Variants in CLDN10 observed in about 807,000 individuals in gnomAD.
The protein encoded by CLDN10 is claudin 10, also known as claudin-10.
A neutral mutation model predicts 22.9 loss-of-function variants in CLDN10; 15 were observed. That is an observed-to-expected ratio of 0.65 (90% CI 0.44 to 1.01). The LOEUF is 1.01. CLDN10 is among the 50% of genes least tolerant of loss of function. The pLI, the probability that CLDN10 is intolerant of heterozygous loss-of-function variation, is 0.00. For missense variants in CLDN10, 247 were observed against 287.8 expected (o/e 0.86, Z 1.03); for synonymous variants, 114 against 111.4 (o/e 1.02, Z -0.15).
chr13:95,474,160 A>T lies in CLDN10; in HGVS notation c.214+40113A>T, dbSNP rs534892993. ...CCTGAGCTTGTTTTACTGAAACTAG[A>T]CGGTCCCATCTGGGGGTGATGGGAG... On this transcript the variant is annotated intron_variant, in intron 1 of 4. Transcript: ENST00000376873. 2.0e-5 allele frequency among the ~76,000 whole-genome samples: 3 copies of T among 152,328 alleles called. No homozygotes were observed. The South Asian group carries it at 6.2e-4, about 32-fold the overall frequency.
In CLDN10 at chr13:95,473,045, T is replaced by C. The variant is rs190310865; in HGVS notation, c.214+38998T>C. On this transcript the variant is annotated intron_variant, in intron 1 of 4. Coordinates refer to the CLDN10 transcript ENST00000376873. ...GTCCCAGCTACTCAACAGGCTGAGG[T>C]AGAAGGATTGTTTAAGCCCAGGAGT... 2.2e-3 allele frequency among the ~76,000 whole-genome samples: 331 copies of C among 149,164 alleles called. 4 individuals are homozygous for C. The South Asian group carries it at 0.024, about 11-fold the overall frequency.
chr13:95,572,569 G>GCTGA (rs994413013), intron 3 of CLDN10, among the ~76,000 whole-genome samples: 2 of 152,164 alleles, frequency 1.3e-5, no homozygotes, highest in Non-Finnish European at 2.9e-5. Context: ...AGTACAATGA[G>GCTGA]CTGACAGTAA....
At chr13:95,510,005 C>G (rs2043078765) in intron 1 of CLDN10, among the ~76,000 whole-genome samples, 1 of 152,236 alleles carries the variant, frequency 6.6e-6, no homozygotes, top group Non-Finnish European at 1.5e-5. Context: ...ATACTCCCAA[C>G]TTGGCTGATT....
At chr13:95,573,882 C>A (rs183831488) in intron 3 of CLDN10, among the ~76,000 whole-genome samples, 31 of 151,696 alleles carry the variant, frequency 2.0e-4, no homozygotes, top group South Asian at 1.3e-3. Context: ...CTCCTCCCCC[C>A]ACAACAGGCC....
intron 1 of CLDN10, among the ~76,000 whole-genome samples, chr13:95,490,272 G>C (rs1302841746): frequency 6.6e-6 from 1 of 152,116 alleles, no homozygotes. Context: ...GTGGTATTTT[G>C]ATGGGGATTG....
chr13:95,518,699 C>A (rs989470904), intron 1 of CLDN10, among the ~76,000 whole-genome samples: 1 of 151,972 alleles, frequency 6.6e-6, no homozygotes, highest in African/African-American at 2.4e-5. Context: ...ACGGAGGTTG[C>A]AGTGAGCCAA....
intron 1 of CLDN10, among the ~76,000 whole-genome samples, chr13:95,517,150 T>A (rs1182532468): frequency 6.6e-6 from 1 of 151,594 alleles, no homozygotes; most frequent in Admixed American, 6.6e-5. Context: ...CTCCCTTCTT[T>A]CCTTCTTTCC....
chr13:95,553,067 C>T, intron 1 of CLDN10, 94 bp downstream of exon 1: 1 of 1,496,376 alleles, frequency 6.7e-7, no homozygotes, highest in Non-Finnish European at 8.9e-7. Flanking sequence ...AGCGGGACCC[C>T]TAGACTGGAC....
intron 1 of CLDN10, among the ~76,000 whole-genome samples, chr13:95,459,552 G>A (rs1594533081): frequency 6.6e-6 from 1 of 152,232 alleles, no homozygotes; most frequent in Non-Finnish European, 1.5e-5. Flanking sequence ...AATGGTCTGC[G>A]CTGTACATTG....
intron 1 of CLDN10, among the ~76,000 whole-genome samples, chr13:95,501,834 G>T (rs7998174): frequency 0.059 from 9,046 of 152,052 alleles, 526 homozygotes; most frequent in African/African-American, 0.15. Context: ...TGCTGGTGGG[G>T]GGTTTCTATT....
intron 1 of CLDN10, among the ~76,000 whole-genome samples, chr13:95,500,049 T>A (rs1345222497): frequency 6.6e-6 from 1 of 151,930 alleles, no homozygotes; most frequent in Non-Finnish European, 1.5e-5. Context: ...ACAAGCTTGC[T>A]CTATGTTAAA....
intron 3 of CLDN10, among the ~76,000 whole-genome samples, chr13:95,567,596 A>G (rs1321494307): frequency 6.6e-6 from 1 of 152,156 alleles, no homozygotes; most frequent in Non-Finnish European, 1.5e-5. Context: ...CTCTTTTCCT[A>G]ATTGAATACC....
intron 3 of CLDN10, among the ~76,000 whole-genome samples, chr13:95,576,998 GC>G (rs1460970525): frequency 6.6e-6 from 1 of 152,168 alleles, no homozygotes; most frequent in African/African-American, 2.4e-5. Flanking sequence ...CTTTGACTTT[GC>G]CCCCGTGGAT....
chr13:95,514,261 A>G (rs934958320), intron 1 of CLDN10, among the ~76,000 whole-genome samples: 6 of 152,180 alleles, frequency 3.9e-5, no homozygotes, highest in African/African-American at 1.4e-4. Flanking sequence ...CCTGTCTCAG[A>G]AAAGAAAAAA....
intron 1 of CLDN10, among the ~76,000 whole-genome samples, chr13:95,499,071 C>T (rs1566302769): frequency 6.6e-6 from 1 of 152,236 alleles, no homozygotes; most frequent in Non-Finnish European, 1.5e-5. Flanking sequence ...CTTTTCAAGA[C>T]TGAATAACAT....
At chr13:95,551,122 C>A (rs1386755119), upstream of CLDN10, among the ~76,000 whole-genome samples, 2 of 152,002 alleles carry the variant, frequency 1.3e-5, no homozygotes, top group Non-Finnish European at 2.9e-5. Context: ...GCCATGGGAC[C>A]ATTAAGCACA....
At chr13:95,487,281 G>A (rs1017839146) in intron 1 of CLDN10, among the ~76,000 whole-genome samples, 1 of 152,152 alleles carries the variant, frequency 6.6e-6, no homozygotes, top group South Asian at 2.1e-4. Flanking sequence ...CCCTTAGAGG[G>A]TTACCTATGA....
intron 1 of CLDN10, among the ~76,000 whole-genome samples, chr13:95,460,561 G>T (rs763612294): frequency 2.6e-5 from 4 of 152,148 alleles, no homozygotes; most frequent in Admixed American, 6.5e-5. Context: ...CTCACTCAAT[G>T]CCACAAGAAC....
intron 1 of CLDN10, among the ~76,000 whole-genome samples, chr13:95,465,741 A>T (rs1282392686): frequency 6.6e-6 from 1 of 152,184 alleles, no homozygotes; most frequent in African/African-American, 2.4e-5. Context: ...CTAGATTCAA[A>T]AAGATATCTT....
Sources: allele counts gnomAD v4.1 joint callset (sites outside exome capture counted in the v4.1 genomes callset), GRCh38; gene constraint gnomAD v4.1.1; transcripts MANE v1.5; gene names NCBI Gene and HGNC (gene_info 2026-07-23, HGNC 2026-07-21).